CTNNBL1: variants seen among roughly 807,000 people sequenced by gnomAD.
The protein encoded by CTNNBL1 is catenin beta like 1.
In CTNNBL1, 31 loss-of-function variants were observed where a neutral mutation model predicts 72.7. The ratio of observed to expected loss-of-function variants is 0.43; its 90% CI spans 0.32 to 0.58. The LOEUF (loss-of-function observed/expected upper bound fraction) is 0.58. Ranked by LOEUF, CTNNBL1 falls within the 20% of genes least tolerant of loss-of-function variation. The pLI is 0.08. For synonymous variants in CTNNBL1, 240 were observed against 267.3 expected, an observed-to-expected ratio of 0.90 and a Z score of 1.00; for missense variants, 534 against 725.1, an observed-to-expected ratio of 0.74 and a Z score of 3.03.
intron 12 of CTNNBL1, among the ~76,000 whole-genome samples, 183 bp downstream of exon 12, chr20:37,840,382 A>G (rs193082926): frequency 6.6e-6 from 1 of 152,326 alleles, no homozygotes; most frequent in Admixed American, 6.5e-5. Flanking sequence ...CTCCAAATGC[A>G]TTCTCCTGGG....
chr20:37,806,306 TA>T (rs1467702740), intron 11 of CTNNBL1, among the ~76,000 whole-genome samples: 1 of 152,208 alleles, frequency 6.6e-6, no homozygotes, highest in African/African-American at 2.4e-5. Context: ...TCTAGAGAGC[TA>T]CCCCACACTC....
chr20:37,696,160 A>T (rs553585875), intron 1 of CTNNBL1, among the ~76,000 whole-genome samples: 1 of 152,242 alleles, frequency 6.6e-6, no homozygotes, highest in Non-Finnish European at 1.5e-5. Context: ...TCCACTGGGT[A>T]TACAACACTG....
At chr20:37,712,825 C>T (rs1477488556) in intron 1 of CTNNBL1, among the ~76,000 whole-genome samples, 5 of 152,210 alleles carry the variant, frequency 3.3e-5, no homozygotes, top group African/African-American at 9.7e-5. Flanking sequence ...AAGATACAAG[C>T]ATATCTGCAG....
chr20:37,695,766 G>A (rs2072785898), intron 1 of CTNNBL1, among the ~76,000 whole-genome samples: 2 of 152,178 alleles, frequency 1.3e-5, no homozygotes, highest in African/African-American at 4.8e-5. Flanking sequence ...GGACAGTGAC[G>A]GTAGCTGCCT....
intron 11 of CTNNBL1, chr20:37,832,370 T>C (rs2072216686): frequency 6.6e-6 from 1 of 152,234 alleles, no homozygotes; most frequent in African/African-American, 2.4e-5. Flanking sequence ...GAATCCCTTG[T>C]GATTCTCTTT....
At chr20:37,720,446 A>C (rs1177735374) in intron 1 of CTNNBL1, among the ~76,000 whole-genome samples, 2 of 152,212 alleles carry the variant, frequency 1.3e-5, no homozygotes, top group African/African-American at 4.8e-5. Context: ...GGTGTGAGCC[A>C]CATTGCATGG....
intron 4 of CTNNBL1, among the ~76,000 whole-genome samples, chr20:37,746,950 A>C (rs911803306): frequency 6.6e-6 from 1 of 152,264 alleles, no homozygotes; most frequent in Non-Finnish European, 1.5e-5. Flanking sequence ...ACAGATTTGA[A>C]TGTGTAAATC....
chr20:37,872,094 G>A lies in CTNNBL1; in HGVS notation c.*81G>A. 1 of 1,307,194 alleles carries A rather than the reference G, an allele frequency of 7.6e-7. No individual in the cohort carries two copies. The highest frequency in any genetic ancestry group is 1.1e-6 in the Non-Finnish European group (1 of 906,504). The allele number at this position is 1,307,194 out of a possible 1,614,324, so 81.0% of individuals were successfully genotyped here. ...TTCTACACAACTCTGTGTGGCTTTT[G>A]GACAAATTAAAGCTAGTTTTGGTAT... is the stretch of plus-strand genomic sequence containing the variant. On this transcript the variant is annotated 3_prime_UTR_variant, in exon 16 of 16. Coordinates refer to ENST00000361383, the MANE Select transcript of CTNNBL1 (RefSeq NM_030877.5).
intron 11 of CTNNBL1, among the ~76,000 whole-genome samples, chr20:37,815,404 G>A (rs1222133661): frequency 2.7e-5 from 4 of 150,012 alleles, no homozygotes; most frequent in South Asian, 2.1e-4. Context: ...TGCAACCTCC[G>A]CCTCCTGGGT....
At chr20:37,793,786 T>C (rs1402068194) in intron 10 of CTNNBL1, among the ~76,000 whole-genome samples, 2 of 152,060 alleles carry the variant, frequency 1.3e-5, no homozygotes, top group Non-Finnish European at 2.9e-5. Context: ...TTATCTTTTT[T>C]TTCTTTTTCT....
chr20:37,732,834 C>CT, intron 1 of CTNNBL1, 45 bp from the exon 2 acceptor site: 1 of 1,581,224 alleles, frequency 6.3e-7, no homozygotes, highest in Non-Finnish European at 8.6e-7. Context: ...CGCCTGGCTT[C>CT]TATGTTGTAT....
intron 1 of CTNNBL1, among the ~76,000 whole-genome samples, chr20:37,709,150 A>C (rs967588598): frequency 2.0e-5 from 3 of 152,138 alleles, no homozygotes; most frequent in South Asian, 4.1e-4. Flanking sequence ...AACAAACAAA[A>C]AAAAAGAGGG....
intron 11 of CTNNBL1, among the ~76,000 whole-genome samples, chr20:37,835,831 A>G (rs2122801843): frequency 6.6e-6 from 1 of 152,344 alleles, no homozygotes; most frequent in East Asian, 1.9e-4. Flanking sequence ...CATTTTTAAA[A>G]AATGAAGTGT....
At chr20:37,808,335 A>G (rs1420449634) in intron 11 of CTNNBL1, among the ~76,000 whole-genome samples, 1 of 152,214 alleles carries the variant, frequency 6.6e-6, no homozygotes. Context: ...TAGGATTAGA[A>G]GAAGGAAATG....
chr20:37,709,676 G>A (rs2072920806), intron 1 of CTNNBL1, among the ~76,000 whole-genome samples: 1 of 152,178 alleles, frequency 6.6e-6, no homozygotes. Flanking sequence ...TATTGGGCAA[G>A]GGAAGGTAGA....
intron 4 of CTNNBL1, among the ~76,000 whole-genome samples, chr20:37,756,641 T>TC (rs1323609649): frequency 6.7e-6 from 1 of 148,880 alleles, no homozygotes; most frequent in Non-Finnish European, 1.5e-5. Context: ...TTCTTTTTTT[T>TC]TTTTTTTTTT....
intron 10 of CTNNBL1, among the ~76,000 whole-genome samples, chr20:37,788,617 C>T (rs1375982889): frequency 2.0e-5 from 3 of 152,386 alleles, no homozygotes; most frequent in Admixed American, 6.5e-5. Context: ...CCCTGTTTGG[C>T]CTGTGCCCAT....
In CTNNBL1 at chr20:37,817,658, G is replaced by C. The variant is rs187562319; in HGVS notation, c.1213+14610G>C. Among the ~76,000 whole-genome samples the C allele has an allele frequency of 4.5e-3, 681 of 152,316 alleles. 1 individual carries two copies. Among genetic ancestry groups the C allele is most frequent in the Non-Finnish European group, 7.3e-3 (498 of 68,018 alleles). ...TTATATCACAGACGAATCACCTGGAGATCTTGTTAAAATGCAGATTGTGCT... is the reference window on the plus strand; with the variant it reads ...TTATATCACAGACGAATCACCTGGACATCTTGTTAAAATGCAGATTGTGCT... On this transcript the variant is annotated intron_variant, in intron 11 of 15. Coordinates refer to ENST00000361383, the MANE Select transcript of CTNNBL1 (RefSeq NM_030877.5).
chr20:37,741,205 C>A (rs376034671), intron 3 of CTNNBL1, among the ~76,000 whole-genome samples: 1 of 152,176 alleles, frequency 6.6e-6, no homozygotes, highest in African/African-American at 2.4e-5. Context: ...ATCCTTTCCC[C>A]CAGCTGTGAG....
Sources: gnomAD v4.1 joint callset for allele counts (sites outside exome capture counted in the v4.1 genomes callset) on GRCh38, gnomAD v4.1.1 for gene constraint, MANE v1.5 for transcripts, NCBI Gene and HGNC (gene_info 2026-07-23, HGNC 2026-07-21) for gene names.